The following ATP8A2 variants were observed in gnomAD, a reference collection of about 807,000 sequenced individuals.
The protein encoded by ATP8A2 is phospholipid-transporting ATPase IB.
ATP8A2 carries 100 observed loss-of-function variants against 165.6 expected under a neutral mutation model. The observed-to-expected ratio is 0.60, with a 90% CI of 0.51 to 0.71. The LOEUF (loss-of-function observed/expected upper bound fraction) is 0.71, where lower values mean the gene tolerates loss of function less well. Ranked by LOEUF, ATP8A2 falls within the 30% of genes least tolerant of loss-of-function variation. ATP8A2 has a pLI of 0.00. For synonymous variants in ATP8A2, 543 were observed against 548.8 expected (o/e 0.99, Z 0.15); for missense variants, 1,227 against 1,479.5 (o/e 0.83, Z 2.80).
intron 24 of ATP8A2, among the ~76,000 whole-genome samples, chr13:25,625,083 C>A (rs535453555): frequency 3.3e-5 from 5 of 152,048 alleles, no homozygotes; most frequent in African/African-American, 4.8e-5. Flanking sequence ...GAATAGGCAA[C>A]AAGAAAATGT....
At chr13:26,010,167 C>T (rs1956814903) in intron 35 of ATP8A2, among the ~76,000 whole-genome samples, 1 of 152,230 alleles carries the variant, frequency 6.6e-6, no homozygotes, top group African/African-American at 2.4e-5. Context: ...AGGAGCCCTG[C>T]CAGCAAAGCC....
intron 25 of ATP8A2, among the ~76,000 whole-genome samples, chr13:25,703,604 C>G (rs2042996191): frequency 6.6e-6 from 1 of 151,750 alleles, no homozygotes; most frequent in South Asian, 2.1e-4. Flanking sequence ...TATTATTGAG[C>G]CATAAAAAAA....
rs555402445 is a variant in ATP8A2, at chr13:25,892,267, C to T, written c.3183+29859C>T. Among the ~76,000 whole-genome samples, 3 of 152,224 alleles carry T rather than the reference C, an allele frequency of 2.0e-5. No individual in the cohort carries two copies. In the South Asian group the frequency reaches 6.2e-4, roughly 32 times the overall value. ...CTGGGATTACAGGTGTGAGCCACTG[C>T]GCCTGGCACCTTTTTCTCATTTTTA... On this transcript the variant is annotated intron_variant, in intron 33 of 36. Transcript: ENST00000381655.
intron 26 of ATP8A2, among the ~76,000 whole-genome samples, chr13:25,770,960 T>C (rs1180078714): frequency 6.6e-6 from 1 of 152,210 alleles, no homozygotes; most frequent in Non-Finnish European, 1.5e-5. Flanking sequence ...TTCAGGCCAG[T>C]CCTTTGCAGT....
chr13:25,853,702 C>T (rs1952077669), intron 30 of ATP8A2, among the ~76,000 whole-genome samples: 1 of 152,112 alleles, frequency 6.6e-6, no homozygotes, highest in Admixed American at 6.6e-5. Context: ...ACTTCAAGCA[C>T]ATAGATCATT....
At position 25,701,357 on chromosome 13, in the gene ATP8A2, T is replaced by A. The variant is rs141510404; in HGVS notation, c.2384+2012T>A. ...AAAGAATGGTGGGGAAATACTTTTATTCATAAATTTCCCTTTGTTTCTACA... is the reference window on the plus strand; with the variant it reads ...AAAGAATGGTGGGGAAATACTTTTAATCATAAATTTCCCTTTGTTTCTACA... On this transcript the variant is annotated intron_variant, in intron 25 of 36. Transcript: ENST00000381655. Among the ~76,000 whole-genome samples the A allele has an allele frequency of 1.2e-4, 19 of 152,324 alleles. No homozygotes were observed. The East Asian group carries it at 3.1e-3, about 25-fold the overall frequency.
At chr13:25,553,292 A>G (rs962252507) in intron 11 of ATP8A2, among the ~76,000 whole-genome samples, 12 of 151,142 alleles carry the variant, frequency 7.9e-5, no homozygotes, top group Admixed American at 4.6e-4. Context: ...TGTTCCGTCC[A>G]GATATCCCTT....
Position 25,574,611 on chromosome 13 carries a change from A to G in ATP8A2, c.1663-197A>G, listed in dbSNP as rs142029411. 7.2e-3 allele frequency among the ~76,000 whole-genome samples: 1,097 copies of G among 152,302 alleles called. 17 individuals are homozygous for G. Among genetic ancestry groups the G allele is most frequent in the African/African-American group, 0.026 (1,062 of 41,544 alleles). ...TGCACTCCCCAACTGTTAGCACTGA[A>G]GAAACGTGAGAAGCTTCCACCAGAA... On this transcript the variant is annotated intron_variant, in intron 18 of 36. Transcript: ENST00000381655.
At chr13:25,884,937 AG>A (rs1267245214) in intron 33 of ATP8A2, among the ~76,000 whole-genome samples, 1 of 151,992 alleles carries the variant, frequency 6.6e-6, no homozygotes, top group African/African-American at 2.4e-5. Context: ...CAGGGAACAC[AG>A]GAACTCTCTA....
At chr13:25,711,167 G>C (rs1196189792) in intron 25 of ATP8A2, among the ~76,000 whole-genome samples, 1 of 152,058 alleles carries the variant, frequency 6.6e-6, no homozygotes, top group East Asian at 1.9e-4. Context: ...ACCACACCCA[G>C]CTAATTTTTG....
At chr13:25,505,458 A>G (rs1385584228) in intron 2 of ATP8A2, among the ~76,000 whole-genome samples, 1 of 152,228 alleles carries the variant, frequency 6.6e-6, no homozygotes, top group Non-Finnish European at 1.5e-5. Flanking sequence ...TATACGTGTT[A>G]AAGTCACCTT....
intron 1 of ATP8A2, among the ~76,000 whole-genome samples, chr13:25,398,692 C>G (rs2033515360): frequency 6.6e-6 from 1 of 152,132 alleles, no homozygotes. Flanking sequence ...GAGACTTAGT[C>G]CCTGTCCTTG....
chr13:25,740,267 C>G (rs2043880514), intron 25 of ATP8A2, among the ~76,000 whole-genome samples: 1 of 148,896 alleles, frequency 6.7e-6, no homozygotes, highest in Non-Finnish European at 1.5e-5. Flanking sequence ...TGAGATCGCG[C>G]CACTGCACTC....
intron 33 of ATP8A2, among the ~76,000 whole-genome samples, chr13:25,923,757 T>C (rs934833945): frequency 6.6e-6 from 1 of 152,042 alleles, no homozygotes; most frequent in Non-Finnish European, 1.5e-5. Flanking sequence ...AGATCCAGCG[T>C]AGGAATATTT....
rs555532813 is a variant in ATP8A2 at position 25,768,958 on chromosome 13, C to T, written c.2385-88C>T. 2.9e-5 allele frequency: 37 copies of T among 1,265,934 alleles called. No homozygotes were observed. In the South Asian group the frequency reaches 4.3e-4, roughly 15 times the overall value. The allele number at this position is 1,265,934 out of a possible 1,614,324, so 78.4% of individuals were successfully genotyped here. A position where few individuals can be genotyped will look rare whatever the true frequency, so the allele number is the denominator to read the frequency against. ...ATTGAATTTGGAGATCGTCCAGTAA[C>T]TGTCCTTTTAATGCAGCGGAATGTA... On this transcript the variant is annotated intron_variant, in intron 25 of 36. Transcript: ENST00000381655.
chr13:25,866,387 C>G (rs1220970260), intron 33 of ATP8A2, among the ~76,000 whole-genome samples: 1 of 152,202 alleles, frequency 6.6e-6, no homozygotes, highest in Non-Finnish European at 1.5e-5. Flanking sequence ...CATGGATGCT[C>G]TTCTTTTTCC....
At chr13:25,948,476 T>A (rs932603533) in intron 33 of ATP8A2, among the ~76,000 whole-genome samples, 8 of 152,158 alleles carry the variant, frequency 5.3e-5, no homozygotes, top group Admixed American at 3.9e-4. Flanking sequence ...TGAGCCACAG[T>A]AGTTAAGTAA....
chr13:25,449,187 T>C (rs1418421785), intron 1 of ATP8A2, among the ~76,000 whole-genome samples: 1 of 152,202 alleles, frequency 6.6e-6, no homozygotes, highest in Non-Finnish European at 1.5e-5. Flanking sequence ...TGTTCTTCTT[T>C]TTCTAGTTTT....
chr13:25,954,088 A>G (rs1469252953), intron 33 of ATP8A2, among the ~76,000 whole-genome samples: 1 of 152,172 alleles, frequency 6.6e-6, no homozygotes, highest in Non-Finnish European at 1.5e-5. Flanking sequence ...ACGGAGCCCA[A>G]CAAGCTAAGA....
Sources: gnomAD v4.1 joint callset for allele counts (sites outside exome capture counted in the v4.1 genomes callset) on GRCh38, gnomAD v4.1.1 for gene constraint, MANE v1.5 for transcripts, NCBI Gene and HGNC (gene_info 2026-07-23, HGNC 2026-07-21) for gene names.